The following GHR variants were observed in gnomAD, a reference collection of about 807,000 sequenced individuals.
The protein encoded by GHR is growth hormone receptor.
GHR carries 35 observed loss-of-function variants against 67.1 expected under a neutral mutation model. The ratio of observed to expected loss-of-function variants is 0.52; its 90% confidence interval spans 0.40 to 0.69. GHR has a LOEUF of 0.69. Ranked by LOEUF, GHR falls within the 30% of genes least tolerant of loss-of-function variation. GHR has a pLI of 0.00. For missense variants in GHR, 792 were observed against 764.6 expected, an observed-to-expected ratio of 1.04 and a Z score of -0.42; for synonymous variants, 272 against 269.1, an observed-to-expected ratio of 1.01 and a Z score of -0.10.
chr5:42,443,375 C>T (rs1256994417), intron 1 of GHR, among the ~76,000 whole-genome samples: 1 of 152,086 alleles, frequency 6.6e-6, no homozygotes, highest in African/African-American at 2.4e-5. Context: ...TCATTTTGGG[C>T]TAAGTGGAGT....
chr5:42,441,656 C>T (rs1743579314), intron 1 of GHR, among the ~76,000 whole-genome samples: 1 of 152,034 alleles, frequency 6.6e-6, no homozygotes, highest in Non-Finnish European at 1.5e-5. Context: ...ACTACAGGTG[C>T]CCTCCACCAC....
At chr5:42,491,632 T>C (rs1041823576) in intron 1 of GHR, among the ~76,000 whole-genome samples, 1 of 152,216 alleles carries the variant, frequency 6.6e-6, no homozygotes, top group African/African-American at 2.4e-5. Flanking sequence ...TTGTATACAT[T>C]CTATGTTTCT....
intron 1 of GHR, among the ~76,000 whole-genome samples, chr5:42,499,548 C>G (rs1337464333): frequency 6.6e-6 from 1 of 152,176 alleles, no homozygotes; most frequent in Non-Finnish European, 1.5e-5. Flanking sequence ...TACCTGGCTA[C>G]CCATGACAAA....
At chr5:42,612,926 C>T (rs1320253771) in intron 2 of GHR, among the ~76,000 whole-genome samples, 1 of 152,052 alleles carries the variant, frequency 6.6e-6, no homozygotes, top group African/African-American at 2.4e-5. Flanking sequence ...GAAGTCTCTC[C>T]TCCTATCTGC....
At position 42,699,821 on chromosome 5, in the gene GHR, C is replaced by T; in HGVS notation, c.440-3C>T. On this transcript the variant is annotated splice_polypyrimidine_tract_variant and splice_region_variant and intron_variant, in intron 5 of 9. Coordinates refer to ENST00000230882, the MANE Select transcript of GHR (RefSeq NM_000163.5). ...TGTACTAATGCTCTGTTGAATTGCACAGTGCAACCAGATCCACCCATTGCC... is the reference window on the plus strand; with the variant it reads ...TGTACTAATGCTCTGTTGAATTGCATAGTGCAACCAGATCCACCCATTGCC... The T allele has an allele frequency of 6.3e-7, 1 of 1,598,098 alleles. No homozygotes were observed. The highest frequency in any genetic ancestry group is 1.7e-4 in the Middle Eastern group (1 of 6,040).
intron 3 of GHR, among the ~76,000 whole-genome samples, chr5:42,648,087 A>G (rs967102187): frequency 3.3e-5 from 5 of 152,218 alleles, no homozygotes; most frequent in Admixed American, 6.5e-5. Context: ...AAAAGAGCGT[A>G]GAAACCCTGC....
At chr5:42,611,042 T>A (rs1443675021) in intron 2 of GHR, among the ~76,000 whole-genome samples, 2 of 152,180 alleles carry the variant, frequency 1.3e-5, no homozygotes, top group East Asian at 3.9e-4. Flanking sequence ...GAAGATACTA[T>A]CTTATGCTCC....
At chr5:42,614,130 A>G (rs1753021404) in intron 2 of GHR, among the ~76,000 whole-genome samples, 2 of 152,092 alleles carry the variant, frequency 1.3e-5, no homozygotes, top group Admixed American at 1.3e-4. Flanking sequence ...TTAACATCAG[A>G]GCATAACCAT....
At chr5:42,684,428 G>A (rs1757038414) in intron 3 of GHR, among the ~76,000 whole-genome samples, 1 of 152,184 alleles carries the variant, frequency 6.6e-6, no homozygotes, top group Non-Finnish European at 1.5e-5. Flanking sequence ...AACAGTTGTG[G>A]TTTAAATATT....
Position 42,482,261 on chromosome 5 carries a change from C to T in GHR, c.-12+58306C>T, listed in dbSNP as rs534919498. Among the ~76,000 whole-genome samples, 5 of 152,258 alleles carry T rather than the reference C, an allele frequency of 3.3e-5. No homozygotes were observed. In the South Asian group the frequency reaches 1.0e-3, roughly 32 times the overall value. On this transcript the variant is annotated intron_variant, in intron 1 of 9. Coordinates refer to ENST00000230882, the MANE Select transcript of GHR (RefSeq NM_000163.5). ...CTGGAAGTTTTGTCTCAGAGGAGTA[C>T]CCAGCCGTGTGAGGTGTCAGTCCAC... is the stretch of plus-strand genomic sequence containing the variant.
chr5:42,709,117 A>G (rs1486676080), intron 6 of GHR, among the ~76,000 whole-genome samples: 1 of 152,138 alleles, frequency 6.6e-6, no homozygotes, highest in Non-Finnish European at 1.5e-5. Context: ...ATTTGGCAAT[A>G]TGAATTTGCT....
intron 3 of GHR, among the ~76,000 whole-genome samples, chr5:42,679,393 G>A (rs749140089): frequency 1.4e-4 from 21 of 151,660 alleles, no homozygotes; most frequent in Admixed American, 1.2e-3. Flanking sequence ...TTGGGAGGCC[G>A]AGGTGGGTGG....
Position 42,424,865 on chromosome 5 carries a change from C to T in GHR, c.-12+910C>T, listed in dbSNP as rs1742780319. On this transcript the variant is annotated intron_variant, in intron 1 of 9. Coordinates refer to ENST00000230882, the MANE Select transcript of GHR (RefSeq NM_000163.5). The surrounding 1 kb of genome is among the most constrained non-coding windows in gnomAD (Gnocchi z 4.1). Reference sequence around the variant, plus strand: ...CGAGCTGCGGGGGCTCTCGGTCTGGCGCGGACTGTGTGTCCTGAATGAGTG... The same window carrying T: ...CGAGCTGCGGGGGCTCTCGGTCTGGTGCGGACTGTGTGTCCTGAATGAGTG... The T allele has an allele frequency of 2.6e-6, 1 of 377,614 alleles. No individual in the cohort carries two copies. The highest frequency in any genetic ancestry group is 3.6e-6 in the Non-Finnish European group (1 of 274,248). 23.4% of individuals were successfully genotyped at this position (377,614 alleles called of 1,614,324 possible).
chr5:42,676,055 G>A (rs1756558103), intron 3 of GHR, among the ~76,000 whole-genome samples: 2 of 152,230 alleles, frequency 1.3e-5, no homozygotes, highest in South Asian at 4.1e-4. Flanking sequence ...GGGAGGCCAA[G>A]GCGGGAAGAT....
At chr5:42,471,468 C>T (rs752834976) in intron 1 of GHR, among the ~76,000 whole-genome samples, 6 of 152,160 alleles carry the variant, frequency 3.9e-5, no homozygotes, top group Non-Finnish European at 5.9e-5. Context: ...GGAGTGTGAT[C>T]GTTGACCTTC....
chr5:42,608,694 A>G, intron 2 of GHR, among the ~76,000 whole-genome samples: 1 of 152,202 alleles, frequency 6.6e-6, no homozygotes, highest in East Asian at 1.9e-4. Context: ...AAACTAACCA[A>G]AAAGATAAAT....
intron 1 of GHR, among the ~76,000 whole-genome samples, chr5:42,543,984 C>T (rs1748628192): frequency 1.3e-5 from 2 of 152,034 alleles, no homozygotes; most frequent in Admixed American, 1.3e-4. Context: ...CTTTGCACTG[C>T]CACGTTGACC....
chr5:42,506,325 G>A (rs1048955366), intron 1 of GHR, among the ~76,000 whole-genome samples: 1 of 152,106 alleles, frequency 6.6e-6, no homozygotes, highest in African/African-American at 2.4e-5. Context: ...TCTTCCAAGG[G>A]AAATAAATAT....
At chr5:42,566,618 G>A (rs932358989) in intron 2 of GHR, among the ~76,000 whole-genome samples, 1 of 151,742 alleles carries the variant, frequency 6.6e-6, no homozygotes, top group East Asian at 1.9e-4. Context: ...AAGGGAAAGG[G>A]AAGAGGAACT....
Sources: allele counts gnomAD v4.1 joint callset (sites outside exome capture counted in the v4.1 genomes callset), GRCh38; gene constraint gnomAD v4.1.1; non-coding constraint Gnocchi (gnomAD v3.1); transcripts MANE v1.5; gene names NCBI Gene and HGNC (gene_info 2026-07-23, HGNC 2026-07-21).